ACACA: variants seen among roughly 807,000 people sequenced by gnomAD.
ACACA encodes the protein acetyl-CoA carboxylase alpha, also known as acetyl-CoA carboxylase 1.
Under a neutral mutation model 296.1 loss-of-function variants are expected in ACACA, and 103 were observed. That is an observed-to-expected ratio of 0.35 (90% CI 0.30 to 0.41). The LOEUF (loss-of-function observed/expected upper bound fraction) is 0.41, where lower values mean the gene tolerates loss of function less well. Among genes scored for constraint, ACACA ranks in the 10% least tolerant of loss-of-function variants. The pLI is 1.00. For synonymous variants in ACACA, 953 were observed against 1,038.6 expected (o/e 0.92, Z 1.58); for missense variants, 1,554 against 2,989.7 (o/e 0.52, Z 11.20).
intron 2 of ACACA, among the ~76,000 whole-genome samples, chr17:37,331,448 G>A (rs1327928118): frequency 1.5e-4 from 23 of 149,512 alleles, no homozygotes; most frequent in Admixed American, 4.0e-4. Flanking sequence ...TCACTCTGTC[G>A]CCCAGGCTGG....
At chr17:37,297,546 T>TACAC (rs35720275) in intron 3 of ACACA, among the ~76,000 whole-genome samples, 2 of 150,236 alleles carry the variant, frequency 1.3e-5, no homozygotes, top group Admixed American at 6.6e-5. Context: ...TATATATATA[T>TACAC]ACACTTTTTT....
In ACACA at chr17:37,130,137, T is replaced by C. The variant is rs774224315; in HGVS notation, c.5761A>G (p.Thr1921Ala). The C allele has an allele frequency of 1.2e-6, 2 of 1,614,196 alleles. No homozygotes were observed. The highest frequency in any genetic ancestry group is 2.2e-5 in the South Asian group (2 of 91,082). The change falls in exon 46 of 56, where the codon ACT becomes GCT. Residue 1921 changes from threonine to alanine, a missense_variant. This residue lies in a region of ACACA where 553 missense variants were observed against 1,043.6 expected (regional missense o/e 0.53). Transcript: ENST00000616317. ...IMHNNGVTHC[T>A]VCDDFEGVFT... Reference sequence around the variant, plus strand: ...ACCCCTTCAAAGTCATCACACACAGTGCAGTGGGTCACCCCATTGTTGTGC... The same window carrying C: ...ACCCCTTCAAAGTCATCACACACAGCGCAGTGGGTCACCCCATTGTTGTGC...
chr17:37,122,463 G>A, intron 49 of ACACA, 68 bp downstream of exon 49: 7 of 1,193,042 alleles, frequency 5.9e-6, no homozygotes, highest in Non-Finnish European at 7.4e-6. Flanking sequence ...TGTTCCTGAT[G>A]TATTCACAGG....
intron 20 of ACACA, 118 bp from the exon 21 acceptor site, chr17:37,244,852 G>T: frequency 1.4e-6 from 2 of 1,439,460 alleles, no homozygotes. Flanking sequence ...TACCAGGAGG[G>T]AAGTCAATAG....
At chr17:37,314,280 T>A (rs894133064) in intron 3 of ACACA, among the ~76,000 whole-genome samples, 1 of 151,684 alleles carries the variant, frequency 6.6e-6, no homozygotes, top group African/African-American at 2.4e-5. Flanking sequence ...TTTGTATTTT[T>A]AGTAGAGATG....
chr17:37,118,476 A>G (rs2074364368), intron 50 of ACACA, among the ~76,000 whole-genome samples: 1 of 152,218 alleles, frequency 6.6e-6, no homozygotes, highest in East Asian at 1.9e-4. Context: ...ATTTCTTTTC[A>G]CAATAACCAA....
At chr17:37,396,878 T>C (rs2051099071) in intron 1 of ACACA, among the ~76,000 whole-genome samples, 1 of 152,130 alleles carries the variant, frequency 6.6e-6, no homozygotes, top group Non-Finnish European at 1.5e-5. Flanking sequence ...ATCTTCCCTA[T>C]TATTAGTAAT....
chr17:37,153,336 C>T (rs953528572), intron 43 of ACACA, among the ~76,000 whole-genome samples: 5 of 152,172 alleles, frequency 3.3e-5, no homozygotes, highest in Admixed American at 1.3e-4. Flanking sequence ...CCATGATGAA[C>T]TCCCAGAAGC....
At position 37,192,017 on chromosome 17, in the gene ACACA, C is replaced by T. The variant is rs539393696; in HGVS notation, c.4416+73G>A. 2.7e-5 allele frequency: 39 copies of T among 1,445,518 alleles called. No homozygotes were observed. The South Asian group carries it at 3.8e-4, about 14-fold the overall frequency. 89.5% of individuals were successfully genotyped at this position (1,445,518 alleles called of 1,614,324 possible). ...GTTCTCTCTCAGCAGAAGCATAATACCTAATTTTGAATCATATCTATTATT... is the reference window on the plus strand; with the variant it reads ...GTTCTCTCTCAGCAGAAGCATAATATCTAATTTTGAATCATATCTATTATT... On this transcript the variant is annotated intron_variant, in intron 37 of 55. Coordinates refer to ENST00000616317, the MANE Select transcript of ACACA (RefSeq NM_198834.3).
chr17:37,280,730 A>C (rs971257885), intron 5 of ACACA, among the ~76,000 whole-genome samples: 6 of 146,374 alleles, frequency 4.1e-5, no homozygotes, highest in African/African-American at 1.5e-4. Context: ...TTACATAGTT[A>C]ACACACACAC....
At chr17:37,206,950 T>C (rs2078529699) in intron 31 of ACACA, 71 bp from the exon 32 acceptor site, 2 of 1,302,710 alleles carry the variant, frequency 1.5e-6, no homozygotes, top group African/African-American at 1.5e-5. Context: ...CATTGGCAGC[T>C]GAGTCTAAAA....
At chr17:37,293,229 A>C (rs1337562545) in intron 3 of ACACA, among the ~76,000 whole-genome samples, 5 of 152,202 alleles carry the variant, frequency 3.3e-5, no homozygotes, top group Non-Finnish European at 2.9e-5. Context: ...TAACCTTTTC[A>C]AATCTGTAAT....
At chr17:37,221,480 C>G in intron 29 of ACACA, 1 of 534,362 alleles carries the variant, frequency 1.9e-6, no homozygotes. Context: ...ACTATTTCCT[C>G]AGTGACATAA....
intron 35 of ACACA, among the ~76,000 whole-genome samples, chr17:37,199,369 G>A (rs2078145836): frequency 6.6e-6 from 1 of 151,908 alleles, no homozygotes. Context: ...ACAACATATT[G>A]ATTCCAAACT....
chr17:37,361,554 A>C lies in ACACA; in HGVS notation c.39-21704T>G, dbSNP rs1168276266. On this transcript the variant is annotated intron_variant, in intron 1 of 55. Transcript: ENST00000616317. The stretch of plus-strand genomic sequence containing the variant: ...TGAAAAAAAAAGTAATTAAGGAAGG[A>C]TGAGTTACGATACCAAGGTCACTTA... Among the ~76,000 whole-genome samples, 19 of 152,328 alleles carry C rather than the reference A, an allele frequency of 1.2e-4. No individual in the cohort carries two copies. In the South Asian group the frequency reaches 1.4e-3, roughly 12 times the overall value.
chr17:37,247,869 T>C (rs1206430091), intron 18 of ACACA, 142 bp downstream of exon 18: 4 of 891,572 alleles, frequency 4.5e-6, no homozygotes, highest in Non-Finnish European at 6.9e-6. Flanking sequence ...CTTGATATTT[T>C]TGTTAAGTGC....
At position 37,241,815 on chromosome 17, in the gene ACACA, G is replaced by C. The variant is rs147799804; in HGVS notation, c.3032+138C>G. 2.2e-4 allele frequency: 153 copies of C among 703,960 alleles called. No homozygotes were observed. The East Asian group carries it at 4.0e-3, about 18-fold the overall frequency. 43.6% of individuals were successfully genotyped at this position (703,960 alleles called of 1,614,324 possible). The stretch of plus-strand genomic sequence containing the variant: ...TCACAATTCTAAGATATTTAGAAAA[G>C]ACAAGGTACTTTCTAAGATATAAGA... On this transcript the variant is annotated intron_variant, in intron 23 of 55. Transcript: ENST00000616317.
chr17:37,118,420 T>C (rs2074361756), intron 50 of ACACA, among the ~76,000 whole-genome samples: 1 of 152,246 alleles, frequency 6.6e-6, no homozygotes, highest in African/African-American at 2.4e-5. Flanking sequence ...AAATATTATG[T>C]ATATTTTACC....
intron 16 of ACACA, among the ~76,000 whole-genome samples, chr17:37,249,934 C>T (rs2080904432): frequency 6.6e-6 from 1 of 152,208 alleles, no homozygotes; most frequent in African/African-American, 2.4e-5. Flanking sequence ...GAATAAGTCT[C>T]ACGAGAGCTG....
Sources: allele counts gnomAD v4.1 joint callset (sites outside exome capture counted in the v4.1 genomes callset), GRCh38; gene constraint gnomAD v4.1.1; regional missense constraint gnomAD v4.1.1; transcripts MANE v1.5; gene names NCBI Gene and HGNC (gene_info 2026-07-23, HGNC 2026-07-21).